ANKRD30B: variants seen among roughly 807,000 people sequenced by gnomAD.
ANKRD30B encodes ankyrin repeat domain 30B.
ANKRD30B carries 144 observed loss-of-function variants against 202.2 expected under a neutral mutation model. The ratio of observed to expected loss-of-function variants is 0.71; its 90% CI spans 0.62 to 0.82. The LOEUF is 0.82. ANKRD30B is among the 40% of genes least tolerant of loss of function. The probability of loss-of-function intolerance (pLI) is 0.00; values close to 1 mark genes in which losing one functional copy is unlikely to be tolerated. For missense variants in ANKRD30B, 1,487 were observed against 1,669.1 expected (o/e 0.89, Z 1.90); for synonymous variants, 508 against 561.3 (o/e 0.91, Z 1.34).
the ANKRD30B span, among the ~76,000 whole-genome samples, chr18:14,927,992 A>C: frequency 6.6e-6 from 1 of 151,418 alleles, no homozygotes; most frequent in African/African-American, 2.4e-5. Flanking sequence ...TTTTTAGTGG[A>C]GTCTCACTCT....
At chr18:14,753,617 T>C (rs1000871522) in intron 3 of ANKRD30B, among the ~76,000 whole-genome samples, 2 of 152,206 alleles carry the variant, frequency 1.3e-5, no homozygotes, top group African/African-American at 4.8e-5. Flanking sequence ...TTATAATATA[T>C]AGTTTATATT....
At chr18:14,927,040 C>A in the ANKRD30B span, among the ~76,000 whole-genome samples, 6 of 150,760 alleles carry the variant, frequency 4.0e-5, no homozygotes, top group Non-Finnish European at 8.9e-5. Flanking sequence ...TTCTTCTTCT[C>A]TTTTTTTTTC....
intron 9 of ANKRD30B, 106 bp downstream of exon 9, chr18:14,772,334 G>T: frequency 1.5e-6 from 1 of 658,744 alleles, no homozygotes; most frequent in Non-Finnish European, 2.2e-6. Context: ...GTAATATAAA[G>T]TTGGTCAGAT....
chr18:14,930,359 G>A, the ANKRD30B span, among the ~76,000 whole-genome samples: 1 of 151,628 alleles, frequency 6.6e-6, no homozygotes, highest in South Asian at 2.1e-4. Flanking sequence ...AGGAAGGTGG[G>A]TGGTGGGTGG....
At chr18:14,938,492 C>T in the ANKRD30B span, among the ~76,000 whole-genome samples, 55 of 152,234 alleles carry the variant, frequency 3.6e-4, no homozygotes, top group Non-Finnish European at 7.5e-4. Context: ...TGGCCATGGC[C>T]CTCAGTCCTC....
chr18:14,761,187 A>G (rs1203226535), intron 6 of ANKRD30B, among the ~76,000 whole-genome samples: 1 of 152,224 alleles, frequency 6.6e-6, no homozygotes, highest in Admixed American at 6.5e-5. Flanking sequence ...TTTGAATATT[A>G]TAACCTGCGG....
intron 14 of ANKRD30B, among the ~76,000 whole-genome samples, chr18:14,785,995 G>T (rs1332619094): frequency 7.3e-6 from 1 of 136,566 alleles, no homozygotes; most frequent in Non-Finnish European, 1.5e-5. Flanking sequence ...CCGAGATTGC[G>T]CCACTGCAGT....
chr18:14,888,569 G>A, the ANKRD30B span: 144 of 361,872 alleles, frequency 4.0e-4, no homozygotes, highest in African/African-American at 2.9e-3. Context: ...CACAAGTCCA[G>A]CTTGATCAGT....
At chr18:14,919,188 T>C in the ANKRD30B span, among the ~76,000 whole-genome samples, 1 of 152,228 alleles carries the variant, frequency 6.6e-6, no homozygotes, top group Non-Finnish European at 1.5e-5. Flanking sequence ...GGCAAGGACT[T>C]GCTAGTGTTC....
the ANKRD30B span, among the ~76,000 whole-genome samples, chr18:14,922,609 C>T: frequency 7.4e-5 from 11 of 148,492 alleles, no homozygotes; most frequent in East Asian, 4.0e-4. Context: ...GAGCCAAGAT[C>T]GCGCCACCGC....
At chr18:14,907,182 A>C in the ANKRD30B span, among the ~76,000 whole-genome samples, 2 of 151,598 alleles carry the variant, frequency 1.3e-5, no homozygotes, top group African/African-American at 4.9e-5. Flanking sequence ...TCCGACCCCC[A>C]CTCCCTGTCA....
At chr18:14,879,650 G>C in the ANKRD30B span, among the ~76,000 whole-genome samples, 1 of 151,564 alleles carries the variant, frequency 6.6e-6, no homozygotes, top group Admixed American at 6.6e-5. Context: ...AACGTTTAGA[G>C]TTAGGGGTTA....
chr18:14,849,820 T>A (rs902798363), intron 40 of ANKRD30B, among the ~76,000 whole-genome samples: 2 of 151,636 alleles, frequency 1.3e-5, no homozygotes, highest in African/African-American at 4.8e-5. Flanking sequence ...TCTGTAAACT[T>A]TTTTTATAAA....
At chr18:14,776,602 G>A (rs1967368953) in intron 9 of ANKRD30B, among the ~76,000 whole-genome samples, 1 of 152,194 alleles carries the variant, frequency 6.6e-6, no homozygotes, top group Admixed American at 6.5e-5. Context: ...AACCACCCAT[G>A]TCATCGTCAT....
At chr18:14,883,028 C>T in the ANKRD30B span, among the ~76,000 whole-genome samples, 1 of 152,052 alleles carries the variant, frequency 6.6e-6, no homozygotes, top group African/African-American at 2.4e-5. Context: ...CCTACATTTC[C>T]TGTGAGCCCC....
chr18:14,851,680 C>T lies in ANKRD30B; in HGVS notation c.3736C>T (p.Gln1246Ter). Residue 1246 changes from glutamine to a stop codon, truncating the protein, a stop_gained, in exon 42 of 44, where the codon CAA becomes TAA. Coordinates refer to ENST00000690538, the MANE Select transcript of ANKRD30B (RefSeq NM_001367607.2). LOFTEE classifies it high-confidence loss of function. ...KILQEKNAEL[Q>*]MTLKLKQKTV... ...TTTACAAGAAAAGAATGCTGAACTT[C>T]AAATGACCCTAAAACTGAAACAGAA... 1 of 1,610,468 alleles carries T rather than the reference C, an allele frequency of 6.2e-7. No homozygotes were observed. The highest frequency in any genetic ancestry group is 8.5e-7 in the Non-Finnish European group (1 of 1,178,626).
the ANKRD30B span, among the ~76,000 whole-genome samples, chr18:14,938,509 G>A: frequency 2.0e-5 from 3 of 152,088 alleles, no homozygotes; most frequent in Non-Finnish European, 2.9e-5. Flanking sequence ...CCTCTACCTG[G>A]TAGGGGACAC....
chr18:14,826,323 T>G (rs1022677720), intron 32 of ANKRD30B, among the ~76,000 whole-genome samples: 9 of 152,242 alleles, frequency 5.9e-5, no homozygotes, highest in Non-Finnish European at 1.3e-4. Flanking sequence ...CTTTTAAATA[T>G]GAGAATTTCA....
At chr18:14,872,946 C>T in the ANKRD30B span, among the ~76,000 whole-genome samples, 3 of 152,146 alleles carry the variant, frequency 2.0e-5, no homozygotes, top group Non-Finnish European at 4.4e-5. Flanking sequence ...TAGGAGTTGT[C>T]ACTGTTCCAA....
Sources: gnomAD v4.1 joint callset for allele counts (sites outside exome capture counted in the v4.1 genomes callset) on GRCh38, gnomAD v4.1.1 for gene constraint, MANE v1.5 for transcripts, NCBI Gene and HGNC (gene_info 2026-07-23, HGNC 2026-07-21) for gene names.